Variants in STIM2 observed in about 807,000 individuals in gnomAD.
The protein encoded by STIM2 is stromal interaction molecule 2.
STIM2 carries 31 observed loss-of-function variants against 85.8 expected under a neutral mutation model. The ratio of observed to expected loss-of-function variants is 0.36; its 90% CI spans 0.27 to 0.49. The LOEUF (loss-of-function observed/expected upper bound fraction) is 0.49. STIM2 is among the 20% of genes least tolerant of loss of function. The pLI is 0.98. For synonymous variants in STIM2, 356 were observed against 331.1 expected (o/e 1.08, Z -0.82); for missense variants, 841 against 927.6 (o/e 0.91, Z 1.21).
chr4:26,932,240 T>G (rs558248506), intron 2 of STIM2, among the ~76,000 whole-genome samples: 3 of 152,336 alleles, frequency 2.0e-5, no homozygotes, highest in African/African-American at 7.2e-5. Flanking sequence ...TGTTTCTTGT[T>G]TCTCTGTGTT....
chr4:26,895,260 TAA>T (rs1331957890), intron 1 of STIM2, among the ~76,000 whole-genome samples: 2 of 152,228 alleles, frequency 1.3e-5, no homozygotes, highest in African/African-American at 4.8e-5. Context: ...TATTTCTATT[TAA>T]GTCTGTTTTA....
chr4:26,880,797 A>C (rs73116648), intron 1 of STIM2, among the ~76,000 whole-genome samples: 1 of 151,084 alleles, frequency 6.6e-6, no homozygotes, highest in African/African-American at 2.4e-5. Flanking sequence ...CGGTAACTTA[A>C]AATGTTTTAG....
In STIM2 at chr4:26,967,649, C is replaced by T. The variant is rs1382583001; in HGVS notation, c.397+9923C>T. On this transcript the variant is annotated intron_variant, in intron 3 of 11. Transcript: ENST00000467087. ...GTGAATCCTGTGACTGATTTTGCTT[C>T]CTTCTTTGTCTGCCTTTTTTAACTG... Among the ~76,000 whole-genome samples the T allele has an allele frequency of 2.0e-5, 3 of 152,142 alleles. No individual in the cohort carries two copies. In the East Asian group the frequency reaches 5.8e-4, roughly 29 times the overall value.
Position 27,003,057 on chromosome 4 carries a change from G to C in STIM2, c.934G>C (p.Glu312Gln), listed in dbSNP as rs1168234354. The change falls in exon 7 of 12, where the codon GAA becomes CAA. Residue 312 changes from glutamate to glutamine, a missense_variant. Physicochemically the swap from Glu to Gln is conservative, Grantham distance 29 (BLOSUM62 2). Coordinates refer to ENST00000467087, the MANE Select transcript of STIM2 (RefSeq NM_020860.4). Reference sequence around the variant, plus strand: ...GCTGAGAGAGCTAAGGGAGGGAGCTGAATGTGAATTGAGTAGACGTCAGTA... The same window carrying C: ...GCTGAGAGAGCTAAGGGAGGGAGCTCAATGTGAATTGAGTAGACGTCAGTA... The C allele has an allele frequency of 5.0e-6, 8 of 1,603,710 alleles. No individual in the cohort carries two copies.
chr4:27,020,800 C>T (rs1728883911), intron 11 of STIM2, among the ~76,000 whole-genome samples: 1 of 152,170 alleles, frequency 6.6e-6, no homozygotes. Context: ...ATGAGAGGTG[C>T]ATTTGCCTAT....
chr4:27,020,404 C>G (rs1035250774), intron 11 of STIM2, among the ~76,000 whole-genome samples: 2 of 152,172 alleles, frequency 1.3e-5, no homozygotes, highest in African/African-American at 4.8e-5. Context: ...TGATCATTTC[C>G]TCATATCTGA....
At chr4:26,876,657 T>G (rs1299567276) in intron 1 of STIM2, among the ~76,000 whole-genome samples, 1 of 152,198 alleles carries the variant, frequency 6.6e-6, no homozygotes, top group Non-Finnish European at 1.5e-5. Flanking sequence ...TTATTTAATG[T>G]ACTTGCTGAA....
In STIM2 at chr4:26,939,650, T is replaced by C. The variant is rs906204405; in HGVS notation, c.283-17962T>C. ...ACCTGAAATGTCTTTTAAGTGTTAA[T>C]TGGGGATGTTTGAAAATTTTTATGC... On this transcript the variant is annotated intron_variant, in intron 2 of 11. Transcript: ENST00000467087. Among the ~76,000 whole-genome samples, 49 of 152,192 alleles carry C rather than the reference T, an allele frequency of 3.2e-4. 1 individual carries two copies. Among genetic ancestry groups the C allele is most frequent in the African/African-American group, 1.1e-3 (47 of 41,442 alleles).
intron 2 of STIM2, among the ~76,000 whole-genome samples, chr4:26,928,083 C>G (rs1170912579): frequency 6.6e-6 from 1 of 151,712 alleles, no homozygotes; most frequent in Non-Finnish European, 1.5e-5. Flanking sequence ...GGAGGGAGGA[C>G]TGTTTTCTTT....
chr4:26,872,112 T>G (rs1349243661), intron 1 of STIM2, among the ~76,000 whole-genome samples: 1 of 152,188 alleles, frequency 6.6e-6, no homozygotes, highest in Non-Finnish European at 1.5e-5. Context: ...AGAGGTAGGA[T>G]AGTTGTAGAA....
At chr4:26,876,219 C>T (rs973750476) in intron 1 of STIM2, among the ~76,000 whole-genome samples, 2 of 152,088 alleles carry the variant, frequency 1.3e-5, no homozygotes, top group Non-Finnish European at 2.9e-5. Context: ...TGGATGAAAC[C>T]ACTTCAGTAA....
intron 11 of STIM2, 79 bp downstream of exon 11, chr4:27,018,063 T>C (rs574154935): frequency 1.3e-6 from 2 of 1,557,902 alleles, no homozygotes; most frequent in East Asian, 4.5e-5. Context: ...GGAGGAGTGG[T>C]GCATGTTTCC....
chr4:26,985,115 A>G (rs2192241), intron 3 of STIM2, among the ~76,000 whole-genome samples: 148,411 of 152,250 alleles, frequency 0.97, 72,374 homozygotes, highest in East Asian at 1. Flanking sequence ...CTAAACATAA[A>G]CCTGTCTTGA....
chr4:26,935,755 A>G (rs953947509), intron 2 of STIM2, among the ~76,000 whole-genome samples: 8 of 152,186 alleles, frequency 5.3e-5, no homozygotes, highest in Admixed American at 2.6e-4. Flanking sequence ...AGTAGACAGT[A>G]TAGTTACAAA....
chr4:26,879,255 G>T (rs1423050469), intron 1 of STIM2, among the ~76,000 whole-genome samples: 1 of 151,736 alleles, frequency 6.6e-6, no homozygotes, highest in East Asian at 1.9e-4. Context: ...TGTATAGTTT[G>T]TACCAAAAAT....
rs188911533 is a variant in STIM2, at chr4:26,928,352, G to A, written c.282+8718G>A. Among the ~76,000 whole-genome samples, 3 of 152,200 alleles carry A rather than the reference G, an allele frequency of 2.0e-5. No individual in the cohort carries two copies. In the East Asian group the frequency reaches 5.8e-4, roughly 29 times the overall value. ...AAAATAGCAGAAATCCACATTTCCT[G>A]AATCATTAAAAATACCTTCAAAGGA... On this transcript the variant is annotated intron_variant, in intron 2 of 11. Transcript: ENST00000467087.
intron 3 of STIM2, among the ~76,000 whole-genome samples, chr4:26,990,374 A>G (rs1380933723): frequency 3.3e-5 from 5 of 152,218 alleles, no homozygotes; most frequent in African/African-American, 1.2e-4. Context: ...TCTGTTTAAT[A>G]AATGGTGCTA....
intron 2 of STIM2, among the ~76,000 whole-genome samples, chr4:26,928,479 T>G (rs1378498356): frequency 6.6e-6 from 1 of 152,196 alleles, no homozygotes; most frequent in East Asian, 1.9e-4. Context: ...ATTATAATTC[T>G]TAGAAGTACA....
At chr4:26,987,776 T>G (rs1277395719) in intron 3 of STIM2, among the ~76,000 whole-genome samples, 5 of 152,262 alleles carry the variant, frequency 3.3e-5, no homozygotes, top group Non-Finnish European at 7.3e-5. Context: ...CTGAGTCCAT[T>G]AATGTAATTG....
Sources: allele counts gnomAD v4.1 joint callset (sites outside exome capture counted in the v4.1 genomes callset), GRCh38; gene constraint gnomAD v4.1.1; transcripts MANE v1.5; gene names NCBI Gene and HGNC (gene_info 2026-07-23, HGNC 2026-07-21).